Variants in BACE1 observed in about 807,000 individuals in gnomAD.
The protein encoded by BACE1 is APP beta-secretase.
A neutral mutation model predicts 54.0 loss-of-function variants in BACE1; 21 were observed. That is an observed-to-expected ratio of 0.39 (90% CI 0.28 to 0.56). The LOEUF is 0.56. Among genes scored for constraint, BACE1 ranks in the 20% least tolerant of loss-of-function variants. The pLI is 0.63. For synonymous variants in BACE1, 232 were observed against 260.9 expected, an observed-to-expected ratio of 0.89 and a Z score of 1.07; for missense variants, 511 against 661.2, an observed-to-expected ratio of 0.77 and a Z score of 2.49.
In BACE1 at chr11:117,293,024, T is replaced by C. The variant is rs563801815; in HGVS notation, c.840+30A>G. 4.3e-6 allele frequency: 7 copies of C among 1,611,692 alleles called. No individual in the cohort carries two copies. Among genetic ancestry groups the C allele is most frequent in the African/African-American group, 1.3e-5 (1 of 74,998 alleles). ...TCACATTGTACTGCCTACCCCCTTA[T>C]GTTCCCAGGCTCTCCCTTGGTTTTC... On this transcript the variant is annotated intron_variant, in intron 5 of 8. Transcript: ENST00000313005. The surrounding 1 kb of genome is among the most constrained non-coding windows in gnomAD (Gnocchi z 4.1).
At chr11:117,314,594 A>T (rs2035034263) in intron 1 of BACE1, 1 of 152,416 alleles carries the variant, frequency 6.6e-6, no homozygotes, top group East Asian at 1.9e-4. Context: ...CATACACAGA[A>T]CCACAGGGCT....
Position 117,315,736 on chromosome 11 carries a change from G to A in BACE1, c.60C>T (p.His20=). ...LWMGAGVLPA[H]GTQHGIRLPL... ...GCAGCCGGATGCCGTGCTGGGTGCC[G>A]TGGGCAGGCAGCACTCCCGCGCCCA... Residue 20 remains histidine, a synonymous_variant, in exon 1 of 9, where the codon CAC becomes CAT. Coordinates refer to ENST00000313005, the MANE Select transcript of BACE1 (RefSeq NM_012104.6). This position sits in a 1 kb window ranked among gnomAD's most constrained non-coding sequence, Gnocchi z 5.5. 1.4e-6 allele frequency: 2 copies of A among 1,477,564 alleles called. No individual in the cohort carries two copies. The highest frequency in any genetic ancestry group is 8.9e-7 in the Non-Finnish European group (1 of 1,118,094). 91.5% of individuals were successfully genotyped at this position (1,477,564 alleles called of 1,614,324 possible).
intron 1 of BACE1, among the ~76,000 whole-genome samples, chr11:117,312,532 G>A (rs1231489911): frequency 6.6e-6 from 1 of 151,748 alleles, no homozygotes; most frequent in Non-Finnish European, 1.5e-5. Flanking sequence ...GCGTGATCTC[G>A]GCTCACTGCA....
chr11:117,312,931 T>C (rs527275301), intron 1 of BACE1, among the ~76,000 whole-genome samples: 26 of 152,346 alleles, frequency 1.7e-4, no homozygotes, highest in African/African-American at 6.3e-4. Context: ...TACTCGTCAC[T>C]TCCGCCCTTT....
intron 2 of BACE1, among the ~76,000 whole-genome samples, chr11:117,295,869 A>C (rs1268340535): frequency 1.3e-5 from 2 of 152,190 alleles, no homozygotes; most frequent in Non-Finnish European, 2.9e-5. Context: ...ATTACACACC[A>C]CTTCTGTGAA....
Position 117,315,988 on chromosome 11 carries a change from G to A in BACE1, c.-193C>T, listed in dbSNP as rs1462318033. 4.2e-6 allele frequency: 2 copies of A among 479,810 alleles called. No homozygotes were observed. Among genetic ancestry groups the A allele is most frequent in the Non-Finnish European group, 3.4e-6 (1 of 293,568 alleles). 29.7% of individuals were successfully genotyped at this position (479,810 alleles called of 1,614,324 possible). A position where few individuals can be genotyped will look rare whatever the true frequency, so the allele number is the denominator to read the frequency against. ...GGAGAGCGGTCAGGGGAGATCCGCA[G>A]AGCACGGGAGCAGGGGAGAGGCTGG... On this transcript the variant is annotated 5_prime_UTR_variant, in exon 1 of 9. Transcript: ENST00000313005. This position sits in a 1 kb window ranked among gnomAD's most constrained non-coding sequence, Gnocchi z 5.5.
intron 2 of BACE1, 146 bp from the exon 3 acceptor site, chr11:117,295,493 C>T (rs2034575301): frequency 2.6e-6 from 4 of 1,536,794 alleles, no homozygotes; most frequent in Non-Finnish European, 3.5e-6. Flanking sequence ...CATCCCTAGA[C>T]TCACCACCCA....
chr11:117,304,179 G>C (rs532776623), intron 1 of BACE1, among the ~76,000 whole-genome samples: 15 of 152,332 alleles, frequency 9.8e-5, no homozygotes, highest in Non-Finnish European at 2.1e-4. Flanking sequence ...ATAAGCACTT[G>C]TGCATTGGGA....
At position 117,293,105 on chromosome 11, in the gene BACE1, G is replaced by A; in HGVS notation, c.789C>T (p.Ile263=). ...PIRREWYYEV[I]IVRVEINGQD... ...GTCCATTGATCTCCACCCGCACAATGATCACCTCATAATACCACTCCCGCC... is the reference window on the plus strand; with the variant it reads ...GTCCATTGATCTCCACCCGCACAATAATCACCTCATAATACCACTCCCGCC... The change falls in exon 5 of 9, where the codon ATC becomes ATT. Residue 263 remains isoleucine, a synonymous_variant. Coordinates refer to ENST00000313005, the MANE Select transcript of BACE1 (RefSeq NM_012104.6). This position sits in a 1 kb window ranked among gnomAD's most constrained non-coding sequence, Gnocchi z 4.1. The A allele has an allele frequency of 6.2e-7, 1 of 1,614,036 alleles. No individual in the cohort carries two copies. Among genetic ancestry groups the A allele is most frequent in the Non-Finnish European group, 8.5e-7 (1 of 1,180,006 alleles).
intron 1 of BACE1, among the ~76,000 whole-genome samples, chr11:117,300,606 CT>C (rs1238493450): frequency 1.3e-4 from 20 of 152,334 alleles, no homozygotes; most frequent in Admixed American, 3.9e-4. Flanking sequence ...GGGTTCCCCT[CT>C]CGGGTCACTG....
Position 117,286,983 on chromosome 11 carries a change from G to A in BACE1, c.*2583C>T, listed in dbSNP as rs1197541529. The A allele has an allele frequency of 6.6e-6, 1 of 152,154 alleles. No homozygotes were observed. The highest frequency in any genetic ancestry group is 2.4e-5 in the African/African-American group (1 of 41,406). 9.4% of individuals were successfully genotyped at this position (152,154 alleles called of 1,614,324 possible). A position where few individuals can be genotyped will look rare whatever the true frequency, so the allele number is the denominator to read the frequency against. On this transcript the variant is annotated 3_prime_UTR_variant, in exon 9 of 9. Transcript: ENST00000313005. ...TTCCTCTCCCCTCAACTTTACAGCA[G>A]CCTTAGGCCACCTGCCGTATTTTTC...
At chr11:117,305,347 C>G (rs2034807390) in intron 1 of BACE1, among the ~76,000 whole-genome samples, 1 of 152,182 alleles carries the variant, frequency 6.6e-6, no homozygotes, top group South Asian at 2.1e-4. Context: ...GCACACAGCT[C>G]CTGTCTCAGA....
chr11:117,291,641 A>T (rs2034440263), intron 6 of BACE1, 71 bp downstream of exon 6: 13 of 1,133,010 alleles, frequency 1.1e-5, no homozygotes, highest in Non-Finnish European at 1.6e-5. Flanking sequence ...GCTGTTGCTG[A>T]AGAATGTGAC....
At chr11:117,312,788 C>A (rs908525400) in intron 1 of BACE1, among the ~76,000 whole-genome samples, 5 of 152,288 alleles carry the variant, frequency 3.3e-5, no homozygotes, top group South Asian at 2.1e-4. Context: ...ATTTGAGGCA[C>A]AAACTACGGG....
At position 117,300,393 on chromosome 11, in the gene BACE1, G is replaced by A. The variant is rs532068960; in HGVS notation, c.262-3432C>T. Among the ~76,000 whole-genome samples, 76 of 152,292 alleles carry A rather than the reference G, an allele frequency of 5.0e-4. No homozygotes were observed. In the Middle Eastern group the frequency reaches 0.01, roughly 20 times the overall value. On this transcript the variant is annotated intron_variant, in intron 1 of 8. Transcript: ENST00000313005. ...AGTAATTCTGGTCCTGTCCTTCAGC[G>A]CTTCGAATGGGAGCCCTGGCCAGTC...
At chr11:117,289,890 G>A (rs867828852) in intron 8 of BACE1, 83 bp from the exon 9 acceptor site, 1 of 1,244,806 alleles carries the variant, frequency 8.0e-7, no homozygotes, top group East Asian at 2.4e-5. Context: ...GTGAGGCCTT[G>A]AAATTAGCCC....
chr11:117,297,058 A>T, intron 1 of BACE1, 97 bp from the exon 2 acceptor site: 4 of 895,082 alleles, frequency 4.5e-6, no homozygotes, highest in Middle Eastern at 2.2e-4. Flanking sequence ...TCTGCCCCTT[A>T]GAATGTCCAG....
intron 3 of BACE1, chr11:117,294,326 C>T (rs752344939): frequency 3.4e-5 from 6 of 178,116 alleles, no homozygotes; most frequent in South Asian, 1.4e-4. Context: ...AAGTGATTCT[C>T]GTGCCTCAGC....
At chr11:117,296,440 C>T (rs2034601960) in intron 2 of BACE1, among the ~76,000 whole-genome samples, 1 of 152,084 alleles carries the variant, frequency 6.6e-6, no homozygotes, top group South Asian at 2.1e-4. Context: ...TAGAGTGGCC[C>T]CTGGGTAAGA....
Sources: gnomAD v4.1 joint callset for allele counts (sites outside exome capture counted in the v4.1 genomes callset) on GRCh38, gnomAD v4.1.1 for gene constraint, Gnocchi (gnomAD v3.1) non-coding constraint, MANE v1.5 for transcripts, NCBI Gene and HGNC (gene_info 2026-07-23, HGNC 2026-07-21) for gene names.